The following BBC3 variants were observed in gnomAD, a reference collection of about 807,000 sequenced individuals.
BBC3 encodes bcl-2-binding component 3.
Under a neutral mutation model 18.2 loss-of-function variants are expected in BBC3, and 5 were observed. The ratio of observed to expected loss-of-function variants is 0.27; its 90% CI spans 0.14 to 0.58. BBC3 has a LOEUF of 0.58. BBC3 is among the 20% of genes least tolerant of loss of function. The probability of loss-of-function intolerance (pLI) is 0.91; values close to 1 mark genes in which losing one functional copy is unlikely to be tolerated. For missense variants in BBC3, 224 were observed against 268.9 expected (o/e 0.83, Z 1.17); for synonymous variants, 119 against 128.0 (o/e 0.93, Z 0.47).
rs2058872175 is a variant in BBC3, at chr19:47,228,700, G to C, written c.-15-254C>G. 6.6e-6 allele frequency among the ~76,000 whole-genome samples: 1 copy of C among 152,008 alleles called. No individual in the cohort carries two copies. Among genetic ancestry groups the C allele is most frequent in the Admixed American group, 6.6e-5 (1 of 15,254 alleles). On this transcript the variant is annotated intron_variant, in intron 1 of 3. Coordinates refer to ENST00000439096, the MANE Select transcript of BBC3 (RefSeq NM_014417.5). The surrounding 1 kb of genome is among the most constrained non-coding windows in gnomAD (Gnocchi z 5.5). ...GGGCACAGGACGGCTCTCACAGCAA[G>C]GACAGGGCTCACACAGGACGGATGG... is the stretch of plus-strand genomic sequence containing the variant.
In BBC3 at chr19:47,221,900, G is replaced by A. The variant is rs1361673951; in HGVS notation, c.484C>T (p.Arg162Trp). The A allele has an allele frequency of 8.1e-6, 13 of 1,606,938 alleles. No individual in the cohort carries two copies. Among genetic ancestry groups the A allele is most frequent in the East Asian group, 2.2e-5 (1 of 44,598 alleles). Residue 162 changes from arginine to tryptophan, a missense_variant, in exon 4 of 4, where the codon CGG (arginine) becomes TGG (tryptophan). By Grantham distance (101) the Arg-to-Trp change is moderately radical. Transcript: ENST00000439096. ...ACCCTCCAGGGTGAGGGGCGGTGCCGCTGCTGCTCCTCTTGTCTCTGGGGA... is the reference window on the plus strand; with the variant it reads ...ACCCTCCAGGGTGAGGGGCGGTGCCACTGCTGCTCCTCTTGTCTCTGGGGA... ...YERRRQEEQQ[R>W]HRPSPWRVLY...
chr19:47,231,249 C>G (rs1449544879), upstream of BBC3: 4 of 963,486 alleles, frequency 4.2e-6, no homozygotes, highest in African/African-American at 3.6e-5. The surrounding 1 kb of genome is among the most constrained non-coding windows in gnomAD (Gnocchi z 4.0). Context: ...CCGCCCCGCC[C>G]CGCCCCGCCC....
At chr19:47,231,246 G>GC, upstream of BBC3, 1 of 599,970 alleles carries the variant, frequency 1.7e-6, no homozygotes, top group Non-Finnish European at 2.1e-6. This position sits in a 1 kb window ranked among gnomAD's most constrained non-coding sequence, Gnocchi z 4.0. Context: ...GCCCCGCCCC[G>GC]CCCCGCCCCG....
At chr19:47,226,068 G>T (rs933639088) in intron 3 of BBC3, among the ~76,000 whole-genome samples, 1 of 151,968 alleles carries the variant, frequency 6.6e-6, no homozygotes, top group Non-Finnish European at 1.5e-5. Flanking sequence ...AATCGAGGCC[G>T]TGCCAGGGGC....
At chr19:47,231,253 C>CCCGCT, upstream of BBC3, 22 of 954,936 alleles carry the variant, frequency 2.3e-5, no homozygotes, top group Non-Finnish European at 2.6e-5. The surrounding 1 kb of genome is among the most constrained non-coding windows in gnomAD (Gnocchi z 4.0). Context: ...CCCGCCCCGC[C>CCCGCT]CCGCCCCCGC....
Position 47,221,607 on chromosome 19 carries a change from T to G in BBC3, c.*195A>C. Reference sequence around the variant, plus strand: ...GGCTTCTTGGCCAGGGACCCAGGAGTCCGCATCTCCGTCAGTGCACCCCAG... The same window carrying G: ...GGCTTCTTGGCCAGGGACCCAGGAGGCCGCATCTCCGTCAGTGCACCCCAG... On this transcript the variant is annotated 3_prime_UTR_variant, in exon 4 of 4. Coordinates refer to ENST00000439096, the MANE Select transcript of BBC3 (RefSeq NM_014417.5). 1 of 1,148,616 alleles carries G rather than the reference T, an allele frequency of 8.7e-7. No homozygotes were observed. The allele number at this position is 1,148,616 out of a possible 1,614,324, so 71.2% of individuals were successfully genotyped here.
chr19:47,223,633 G>A (rs2058777201), intron 3 of BBC3, among the ~76,000 whole-genome samples: 1 of 152,176 alleles, frequency 6.6e-6, no homozygotes, highest in Non-Finnish European at 1.5e-5. Context: ...AGCTCCACAG[G>A]CAGGCTCTGT....
intron 3 of BBC3, chr19:47,222,259 G>C (rs1169954245): frequency 4.6e-6 from 1 of 215,342 alleles, no homozygotes; most frequent in Admixed American, 5.6e-5. Flanking sequence ...CCTCCCTACA[G>C]GGCTGGCAAG....
At chr19:47,225,288 G>A (rs527958283) in intron 3 of BBC3, among the ~76,000 whole-genome samples, 2 of 151,972 alleles carry the variant, frequency 1.3e-5, no homozygotes, top group East Asian at 3.9e-4. Context: ...CCTCAAGTGA[G>A]CCACTTGCCT....
At position 47,221,817 on chromosome 19, in the gene BBC3, C is replaced by T; in HGVS notation, c.567G>A (p.Glu189=). The T allele has an allele frequency of 1.2e-6, 2 of 1,613,508 alleles. No homozygotes were observed. The highest frequency in any genetic ancestry group is 1.7e-6 in the Non-Finnish European group (2 of 1,179,796). ...GTGCAGGCACCTAATTGGGCTCCAT[C>T]TCGGGGGCTCTGTGGCCCCTGGGTA... The part of the protein sequence containing the change: ...LPLPRGHRAP[E]MEPN The change falls in exon 4 of 4, where the codon GAG becomes GAA. Residue 189 remains glutamate (E), a synonymous_variant. Transcript: ENST00000439096.
rs1371077731 is a variant in BBC3 at position 47,226,509 on chromosome 19, G to T, written c.465+55C>A. The T allele has an allele frequency of 4.1e-6, 6 of 1,461,246 alleles. No individual in the cohort carries two copies. The Admixed American group carries it at 1.2e-4, about 30-fold the overall frequency. 90.5% of individuals were successfully genotyped at this position (1,461,246 alleles called of 1,614,324 possible). On this transcript the variant is annotated intron_variant, in intron 3 of 3. Coordinates refer to ENST00000439096, the MANE Select transcript of BBC3 (RefSeq NM_014417.5). ...GCACATCTGGCGGGGGCCGCCTGCC[G>T]CCCCCTCCTCCGGCGGAAGTCCCAC...
intron 3 of BBC3, chr19:47,222,547 A>T (rs2058763296): frequency 6.6e-6 from 1 of 152,176 alleles, no homozygotes; most frequent in African/African-American, 2.4e-5. Context: ...TACTAAAAAG[A>T]GTACAGAGGC....
At position 47,228,445 on chromosome 19, in the gene BBC3, G is replaced by T; in HGVS notation, c.-14C>A. 8.1e-7 allele frequency: 1 copy of T among 1,231,866 alleles called. No homozygotes were observed. The highest frequency in any genetic ancestry group is 1.0e-6 in the Non-Finnish European group (1 of 987,722). The allele number at this position is 1,231,866 out of a possible 1,614,324, so 76.3% of individuals were successfully genotyped here. Reference sequence around the variant, plus strand: ...TGCGCGGGCCATGGCGCTCCCTGGGGCCTGCGGGACACGGGAGGAGGAGCA... The same window carrying T: ...TGCGCGGGCCATGGCGCTCCCTGGGTCCTGCGGGACACGGGAGGAGGAGCA... On this transcript the variant is annotated splice_region_variant and 5_prime_UTR_variant, in exon 2 of 4. Transcript: ENST00000439096. This position sits in a 1 kb window ranked among gnomAD's most constrained non-coding sequence, Gnocchi z 5.5.
Position 47,228,124 on chromosome 19 carries a change from C to G in BBC3, c.274+34G>C. ...AGTCTCCAGCCCTCTCTCTTCCCGGCTCCTATCACCCCGGGGGCGGGGCGG... is the reference window on the plus strand; with the variant it reads ...AGTCTCCAGCCCTCTCTCTTCCCGGGTCCTATCACCCCGGGGGCGGGGCGG... On this transcript the variant is annotated intron_variant, in intron 2 of 3. Transcript: ENST00000439096. This position sits in a 1 kb window ranked among gnomAD's most constrained non-coding sequence, Gnocchi z 5.5. 1 of 1,224,618 alleles carries G rather than the reference C, an allele frequency of 8.2e-7. No homozygotes were observed. The highest frequency in any genetic ancestry group is 1.0e-6 in the Non-Finnish European group (1 of 981,760). The allele number at this position is 1,224,618 out of a possible 1,614,324, so 75.9% of individuals were successfully genotyped here.
chr19:47,226,510 C>T (rs1428971672), intron 3 of BBC3, 54 bp downstream of exon 3: 1 of 1,470,884 alleles, frequency 6.8e-7, no homozygotes, highest in Non-Finnish European at 9.0e-7. Flanking sequence ...CCGCCTGCCG[C>T]CCCCTCCTCC....
At position 47,230,815 on chromosome 19, in the gene BBC3, T is replaced by TGG. The variant is rs1471400774; in HGVS notation, c.-16+112_-16+113dup. ...TCGCGGGGTTTGGAGAGGCGCGGTGTGGGGAGGCAGGGCGCCCACACTGCT... is the reference window on the plus strand; with the variant it reads ...TCGCGGGGTTTGGAGAGGCGCGGTGTGGGGGGAGGCAGGGCGCCCACACTGCT... On this transcript the variant is annotated intron_variant, in intron 1 of 3. Coordinates refer to ENST00000439096, the MANE Select transcript of BBC3 (RefSeq NM_014417.5). This position sits in a 1 kb window ranked among gnomAD's most constrained non-coding sequence, Gnocchi z 6.7. 3 of 984,724 alleles carry TGG rather than the reference T, an allele frequency of 3.0e-6. No individual in the cohort carries two copies. The African/African-American group carries it at 5.3e-5, about 17-fold the overall frequency. 61.0% of individuals were successfully genotyped at this position (984,724 alleles called of 1,614,324 possible).
Position 47,226,628 on chromosome 19 carries a change from G to A in BBC3, c.401C>T (p.Ala134Val), listed in dbSNP as rs2058827631. Residue 134 changes from alanine to valine, a missense_variant, in exon 3 of 4, where the codon GCC becomes GTC. Ala to Val is a moderately conservative substitution (Grantham distance 64, BLOSUM62 0). Transcript: ENST00000439096. ...PGVRGEEEQW[A>V]REIGAQLRRM... is the part of the protein sequence containing the mutation. ...CCGCAGCTGGGCCCCGATCTCCCGG[G>A]CCCACTGTTCCTCCTCCCCGCGGAC... 2 of 1,567,970 alleles carry A rather than the reference G, an allele frequency of 1.3e-6. No homozygotes were observed. Among genetic ancestry groups the A allele is most frequent in the Non-Finnish European group, 8.6e-7 (1 of 1,159,690 alleles).
chr19:47,229,076 C>G (rs1034917717), intron 1 of BBC3, among the ~76,000 whole-genome samples: 6 of 152,080 alleles, frequency 3.9e-5, no homozygotes, highest in Non-Finnish European at 8.8e-5. Flanking sequence ...CTGGCTGGCA[C>G]AATCCATCCC....
chr19:47,228,143 G>T lies in BBC3; in HGVS notation c.274+15C>A. ...TCCCGGCTCCTATCACCCCGGGGGCGGGGCGGGCACTCACCGTCCGGGCGC... is the reference window on the plus strand; with the variant it reads ...TCCCGGCTCCTATCACCCCGGGGGCTGGGCGGGCACTCACCGTCCGGGCGC... On this transcript the variant is annotated intron_variant, in intron 2 of 3. Coordinates refer to ENST00000439096, the MANE Select transcript of BBC3 (RefSeq NM_014417.5). The surrounding 1 kb of genome is among the most constrained non-coding windows in gnomAD (Gnocchi z 5.5). 1 of 1,229,214 alleles carries T rather than the reference G, an allele frequency of 8.1e-7. No homozygotes were observed. Among genetic ancestry groups the T allele is most frequent in the Non-Finnish European group, 1.0e-6 (1 of 985,462 alleles). The allele number at this position is 1,229,214 out of a possible 1,614,324, so 76.1% of individuals were successfully genotyped here. A position where few individuals can be genotyped will look rare whatever the true frequency, so the allele number is the denominator to read the frequency against.
Sources: allele counts gnomAD v4.1 joint callset (sites outside exome capture counted in the v4.1 genomes callset), GRCh38; gene constraint gnomAD v4.1.1; non-coding constraint Gnocchi (gnomAD v3.1); transcripts MANE v1.5; gene names NCBI Gene and HGNC (gene_info 2026-07-23, HGNC 2026-07-21).